The following DNER variants were observed in gnomAD, a reference collection of about 807,000 sequenced individuals.
DNER encodes the protein delta and Notch-like epidermal growth factor-related receptor.
A neutral mutation model predicts 78.2 loss-of-function variants in DNER; 33 were observed. The ratio of observed to expected loss-of-function variants is 0.42; its 90% CI spans 0.32 to 0.56. The LOEUF is 0.56. Among genes scored for constraint, DNER ranks in the 20% least tolerant of loss-of-function variants. The pLI, the probability that DNER is intolerant of heterozygous loss-of-function variation, is 0.11. For synonymous variants in DNER, 417 were observed against 384.8 expected (o/e 1.08, Z -0.98); for missense variants, 918 against 975.3 (o/e 0.94, Z 0.78).
chr2:229,446,826 G>A (rs987701165), intron 8 of DNER, among the ~76,000 whole-genome samples: 12 of 152,176 alleles, frequency 7.9e-5, no homozygotes, highest in Non-Finnish European at 1.8e-4. Flanking sequence ...AATGTGCATA[G>A]AGTAACAATT....
At chr2:229,597,101 A>G (rs904747799) in intron 1 of DNER, among the ~76,000 whole-genome samples, 5 of 62,344 alleles carry the variant, frequency 8.0e-5, no homozygotes, top group Admixed American at 1.9e-4. Context: ...GCACACACAC[A>G]TGCACACACA....
At chr2:229,453,208 G>C (rs1694497547) in intron 7 of DNER, among the ~76,000 whole-genome samples, 1 of 152,174 alleles carries the variant, frequency 6.6e-6, no homozygotes, top group South Asian at 2.1e-4. Context: ...CAAAGCACTT[G>C]GCACAGTGAC....
chr2:229,700,317 T>TGTGTGTGTGTGC (rs1699725273), intron 1 of DNER, among the ~76,000 whole-genome samples: 2 of 90,178 alleles, frequency 2.2e-5, no homozygotes, highest in Non-Finnish European at 6.2e-5. Flanking sequence ...TGTGTGTGTG[T>TGTGTGTGTGTGC]GTATAGGGGT....
At chr2:229,546,788 G>A (rs1231732496) in intron 5 of DNER, among the ~76,000 whole-genome samples, 159 bp downstream of exon 5, 1 of 142,436 alleles carries the variant, frequency 7.0e-6, no homozygotes, top group African/African-American at 2.8e-5. Flanking sequence ...CAGATAGACA[G>A]ATAGATAGAT....
In DNER at chr2:229,400,093, A is replaced by G. The variant is rs527545925; in HGVS notation, c.1723+7139T>C. ...GATACTGCTATACCTGGATACTGAA[A>G]TTGAACAATTAAGTAAATAAATGAT... is the stretch of plus-strand genomic sequence containing the variant. On this transcript the variant is annotated intron_variant, in intron 10 of 12. Transcript: ENST00000341772. 3.9e-5 allele frequency among the ~76,000 whole-genome samples: 6 copies of G among 152,184 alleles called. No individual in the cohort carries two copies. The South Asian group carries it at 1.2e-3, about 32-fold the overall frequency.
chr2:229,704,417 G>T (rs1396886836), intron 1 of DNER, among the ~76,000 whole-genome samples: 2 of 152,202 alleles, frequency 1.3e-5, no homozygotes, highest in African/African-American at 2.4e-5. Flanking sequence ...ACTTACAGAA[G>T]CTTTATTCAT....
At chr2:229,690,471 C>T (rs1371121770) in intron 1 of DNER, among the ~76,000 whole-genome samples, 1 of 152,200 alleles carries the variant, frequency 6.6e-6, no homozygotes, top group Non-Finnish European at 1.5e-5. Flanking sequence ...TCTAATTCAC[C>T]TTGCTATGCC....
intron 6 of DNER, 150 bp downstream of exon 6, chr2:229,512,633 G>A (rs1695887421): frequency 2.9e-6 from 3 of 1,031,208 alleles, no homozygotes; most frequent in Non-Finnish European, 4.2e-6. Flanking sequence ...CTTGGGTGAT[G>A]AGTGCACCAA....
At chr2:229,453,920 TAA>T (rs10602558) in intron 7 of DNER, among the ~76,000 whole-genome samples, 10,227 of 106,932 alleles carry the variant, frequency 0.096, 1,214 homozygotes, top group African/African-American at 0.3. Context: ...TAAAATATAT[TAA>T]AAAAAAAAAA....
intron 1 of DNER, among the ~76,000 whole-genome samples, chr2:229,607,184 A>T (rs957285491): frequency 2.6e-5 from 4 of 152,202 alleles, no homozygotes; most frequent in African/African-American, 9.7e-5. Context: ...GTAGATCTAA[A>T]ACTTTTTTTT....
In DNER at chr2:229,512,547, G is replaced by A. The variant is rs914020060; in HGVS notation, c.1147+236C>T. Among the ~76,000 whole-genome samples, 16 of 152,230 alleles carry A rather than the reference G, an allele frequency of 1.1e-4. 1 individual carries two copies. Among genetic ancestry groups the A allele is most frequent in the Middle Eastern group, 6.8e-3 (2 of 294 alleles). On this transcript the variant is annotated intron_variant, in intron 6 of 12. Coordinates refer to ENST00000341772, the MANE Select transcript of DNER (RefSeq NM_139072.4). ...TGCAAAGGTATATGAATGACACGAT[G>A]AACTTTGGGGACTCAGGGGGAAGGG...
chr2:229,565,871 A>G (rs1478090579), intron 4 of DNER, among the ~76,000 whole-genome samples: 1 of 152,144 alleles, frequency 6.6e-6, no homozygotes, highest in Non-Finnish European at 1.5e-5. Context: ...TGTCTATTTG[A>G]TCACCTTTTC....
chr2:229,399,303 TACAC>T (rs35817615), intron 10 of DNER, among the ~76,000 whole-genome samples: 3 of 149,584 alleles, frequency 2.0e-5, no homozygotes, highest in Non-Finnish European at 4.5e-5. Flanking sequence ...AAATACACCA[TACAC>T]ACACACACAC....
chr2:229,613,935 C>G (rs1649070117), intron 1 of DNER, among the ~76,000 whole-genome samples: 1 of 144,942 alleles, frequency 6.9e-6, no homozygotes, highest in African/African-American at 2.5e-5. Context: ...GACAAAAAAC[C>G]AAACACCGCA....
At chr2:229,683,432 T>C (rs1170630827) in intron 1 of DNER, among the ~76,000 whole-genome samples, 1 of 152,076 alleles carries the variant, frequency 6.6e-6, no homozygotes, top group Non-Finnish European at 1.5e-5. Context: ...ATTGTGAATG[T>C]CAAAGAAAAT....
At chr2:229,642,499 G>T (rs969090561) in intron 1 of DNER, among the ~76,000 whole-genome samples, 1 of 152,356 alleles carries the variant, frequency 6.6e-6, no homozygotes, top group South Asian at 2.1e-4. Flanking sequence ...GACAAGGTCA[G>T]TGACTCCAGA....
chr2:229,596,188 G>A (rs996041925), intron 1 of DNER, among the ~76,000 whole-genome samples: 8 of 152,188 alleles, frequency 5.3e-5, no homozygotes, highest in Non-Finnish European at 2.9e-5. Context: ...ATGAATGAAT[G>A]AGTGAGTGAA....
rs1357506406 is a variant in DNER, at chr2:229,481,175, G to A, written c.1148-3922C>T. On this transcript the variant is annotated intron_variant, in intron 6 of 12. Transcript: ENST00000341772. ...CCCTTTGGCAGGACAGTTGCTTGGT[G>A]CGAGCGTTTCCCAAATTAGACGTAT... Among the ~76,000 whole-genome samples, 3 of 152,280 alleles carry A rather than the reference G, an allele frequency of 2.0e-5. No homozygotes were observed. In the East Asian group the frequency reaches 5.8e-4, roughly 29 times the overall value.
chr2:229,666,133 C>T (rs1043949438), intron 1 of DNER, among the ~76,000 whole-genome samples: 17 of 152,158 alleles, frequency 1.1e-4, no homozygotes, highest in African/African-American at 1.9e-4. Context: ...CCTCACTATC[C>T]GCTACACAAG....
Sources: allele counts gnomAD v4.1 joint callset (sites outside exome capture counted in the v4.1 genomes callset), GRCh38; gene constraint gnomAD v4.1.1; transcripts MANE v1.5; gene names NCBI Gene and HGNC (gene_info 2026-07-23, HGNC 2026-07-21).